The following TMTC3 variants were observed in gnomAD, a reference collection of about 807,000 sequenced individuals.
TMTC3 encodes transmembrane O-mannosyltransferase targeting cadherins 3.
A neutral mutation model predicts 92.2 loss-of-function variants in TMTC3; 52 were observed. That is an observed-to-expected ratio of 0.56 (90% CI 0.45 to 0.71). TMTC3 has a LOEUF of 0.71. TMTC3 is among the 30% of genes least tolerant of loss of function. TMTC3 has a pLI of 0.00. For synonymous variants in TMTC3, 339 were observed against 363.3 expected (o/e 0.93, Z 0.76); for missense variants, 896 against 1,057.1 (o/e 0.85, Z 2.11).
intron 10 of TMTC3, among the ~76,000 whole-genome samples, chr12:88,182,149 T>C (rs2041325260): frequency 6.6e-6 from 1 of 152,218 alleles, no homozygotes; most frequent in East Asian, 1.9e-4. Context: ...TAGCTGGATA[T>C]AGGGAGATAG....
intron 12 of TMTC3, among the ~76,000 whole-genome samples, chr12:88,191,065 T>A (rs1323683598): frequency 6.6e-6 from 1 of 152,222 alleles, no homozygotes; most frequent in African/African-American, 2.4e-5. Context: ...AAAAAAGTTT[T>A]CTGGCACCAC....
chr12:88,143,916 C>A (rs1322106659), intron 1 of TMTC3, among the ~76,000 whole-genome samples: 1 of 152,164 alleles, frequency 6.6e-6, no homozygotes, highest in Non-Finnish European at 1.5e-5. Context: ...ATTCCTAGAT[C>A]TGAGTGTTCC....
chr12:88,154,248 T>C, intron 3 of TMTC3, 40 bp from the exon 4 acceptor site: 2 of 1,364,216 alleles, frequency 1.5e-6, no homozygotes, highest in Non-Finnish European at 1.0e-6. Context: ...TTTCAAGATA[T>C]TCTTTATTAA....
In TMTC3 at chr12:88,183,391, C is replaced by G. The variant is rs143049286; in HGVS notation, c.1433-5452C>G. Among the ~76,000 whole-genome samples, 157 of 152,292 alleles carry G rather than the reference C, an allele frequency of 1.0e-3. 4 individuals are homozygous for G. The East Asian group carries it at 0.024, about 23-fold the overall frequency. ...ATACCCCATTGCCTTGTTGATCTTG[C>G]ATTGCCAGGCAGGCTAAGAGCTCCC... is the stretch of plus-strand genomic sequence containing the variant. On this transcript the variant is annotated intron_variant, in intron 10 of 13. Coordinates refer to ENST00000266712, the MANE Select transcript of TMTC3 (RefSeq NM_181783.4).
At chr12:88,187,675 A>G (rs1402058900) in intron 10 of TMTC3, among the ~76,000 whole-genome samples, 1 of 152,236 alleles carries the variant, frequency 6.6e-6, no homozygotes, top group Non-Finnish European at 1.5e-5. Flanking sequence ...AAAACATTAT[A>G]TAGCAAGTTC....
intron 6 of TMTC3, among the ~76,000 whole-genome samples, chr12:88,164,633 A>G (rs895156698): frequency 6.6e-6 from 1 of 152,100 alleles, no homozygotes; most frequent in African/African-American, 2.4e-5. Flanking sequence ...TTTTCATTTC[A>G]CCTGACTTGG....
At position 88,195,431 on chromosome 12, in the gene TMTC3, A is replaced by C; in HGVS notation, c.2527A>C (p.Thr843Pro). 1 of 1,613,488 alleles carries C rather than the reference A, an allele frequency of 6.2e-7. No individual in the cohort carries two copies. The highest frequency in any genetic ancestry group is 8.5e-7 in the Non-Finnish European group (1 of 1,179,792). Residue 843 changes from threonine (T) to proline (P), a missense_variant, in exon 14 of 14, where the codon ACT (threonine) becomes CCT (proline). Physicochemically the swap from Thr to Pro is conservative, Grantham distance 38. Coordinates refer to ENST00000266712, the MANE Select transcript of TMTC3 (RefSeq NM_181783.4). ...ISSVEGKKIP[T>P]ESVKEIRGES... ...AAGTGTGGAAGGAAAGAAAATTCCA[A>C]CTGAAAGTGTAAAAGAAATTAGAGG...
intron 10 of TMTC3, among the ~76,000 whole-genome samples, chr12:88,187,149 T>C (rs1472349996): frequency 1.4e-5 from 2 of 147,496 alleles, no homozygotes; most frequent in Non-Finnish European, 3.0e-5. Flanking sequence ...TATAAACATA[T>C]GGTATGGATT....
intron 10 of TMTC3, among the ~76,000 whole-genome samples, chr12:88,178,945 A>G (rs2041288029): frequency 6.6e-6 from 1 of 152,180 alleles, no homozygotes; most frequent in Non-Finnish European, 1.5e-5. Flanking sequence ...TGTGCCTATC[A>G]CAGGATGTTG....
At chr12:88,171,845 C>T (rs1480980508) in intron 7 of TMTC3, among the ~76,000 whole-genome samples, 1 of 152,078 alleles carries the variant, frequency 6.6e-6, no homozygotes, top group East Asian at 1.9e-4. Flanking sequence ...GTTTCCTTTA[C>T]GTTCTTGCCA....
chr12:88,143,466 A>G (rs2040811352), intron 1 of TMTC3, among the ~76,000 whole-genome samples: 1 of 152,186 alleles, frequency 6.6e-6, no homozygotes, highest in South Asian at 2.1e-4. Context: ...CATCTGAGTT[A>G]AGAAACTGAG....
At position 88,195,691 on chromosome 12, in the gene TMTC3, C is replaced by A; in HGVS notation, c.*42C>A. The A allele has an allele frequency of 6.7e-7, 1 of 1,497,816 alleles. No homozygotes were observed. Among genetic ancestry groups the A allele is most frequent in the South Asian group, 1.4e-5 (1 of 73,722 alleles). 92.8% of individuals were successfully genotyped at this position (1,497,816 alleles called of 1,614,324 possible). A position where few individuals can be genotyped will look rare whatever the true frequency, so the allele number is the denominator to read the frequency against. On this transcript the variant is annotated 3_prime_UTR_variant, in exon 14 of 14. Coordinates refer to ENST00000266712, the MANE Select transcript of TMTC3 (RefSeq NM_181783.4). ...GACAATGGTATCAAAGAACATCAAT[C>A]CGTATCATGTGATTGCTTTTACTGG...
intron 4 of TMTC3, 65 bp downstream of exon 4, chr12:88,154,452 C>T (rs2040981963): frequency 2.7e-6 from 3 of 1,101,820 alleles, no homozygotes; most frequent in East Asian, 2.5e-5. Flanking sequence ...TTTTTATTTA[C>T]TCCAAGTGCT....
intron 12 of TMTC3, among the ~76,000 whole-genome samples, chr12:88,192,014 C>CTTTT (rs375857927): frequency 4.5e-5 from 5 of 112,248 alleles, no homozygotes; most frequent in African/African-American, 2.2e-4. Flanking sequence ...CAGCATTTTT[C>CTTTT]TTTTTTTTTT....
chr12:88,190,636 A>G lies in TMTC3; in HGVS notation c.1706+14A>G, dbSNP rs373875784. ...TTACATTAGCAGGTATCCCAGTTCA[A>G]CTTTAAGCTATCATTATGGAATATT... On this transcript the variant is annotated intron_variant, in intron 12 of 13. Transcript: ENST00000266712. 6 of 1,610,828 alleles carry G rather than the reference A, an allele frequency of 3.7e-6. No individual in the cohort carries two copies. Among genetic ancestry groups the G allele is most frequent in the Non-Finnish European group, 5.1e-6 (6 of 1,178,252 alleles).
intron 10 of TMTC3, 136 bp from the exon 11 acceptor site, chr12:88,188,703 GTGTT>G (rs2041406180): frequency 6.1e-6 from 3 of 493,602 alleles, no homozygotes; most frequent in Non-Finnish European, 1.1e-5. Context: ...TTTGCCTAGT[GTGTT>G]TGTTTCTGGA....
At chr12:88,180,371 G>C (rs151314982) in intron 10 of TMTC3, among the ~76,000 whole-genome samples, 4 of 152,212 alleles carry the variant, frequency 2.6e-5, no homozygotes, top group East Asian at 3.9e-4. Context: ...GGCCGGGAAG[G>C]GGGTGTCTGC....
chr12:88,142,920 G>A (rs1214969707), intron 1 of TMTC3, among the ~76,000 whole-genome samples: 1 of 152,136 alleles, frequency 6.6e-6, no homozygotes, highest in Non-Finnish European at 1.5e-5. Context: ...CGGGGGTGGA[G>A]AGAGAAGGGA....
chr12:88,159,480 G>A (rs925121013), intron 4 of TMTC3, among the ~76,000 whole-genome samples: 1 of 151,954 alleles, frequency 6.6e-6, no homozygotes, highest in Non-Finnish European at 1.5e-5. Flanking sequence ...GAGCAGCATA[G>A]CAACACCCTG....
Sources: gnomAD v4.1 joint callset for allele counts (sites outside exome capture counted in the v4.1 genomes callset) on GRCh38, gnomAD v4.1.1 for gene constraint, MANE v1.5 for transcripts, NCBI Gene and HGNC (gene_info 2026-07-23, HGNC 2026-07-21) for gene names.